SBNO2: variants seen among roughly 807,000 people sequenced by gnomAD.
SBNO2 encodes the protein protein strawberry notch homolog 2.
In SBNO2, 89 loss-of-function variants were observed where a neutral mutation model predicts 146.3. The observed-to-expected ratio is 0.61, with a 90% CI of 0.51 to 0.73. The LOEUF (loss-of-function observed/expected upper bound fraction) is 0.73. Among genes scored for constraint, SBNO2 ranks in the 30% least tolerant of loss-of-function variants. The pLI is 0.00. For missense variants in SBNO2, 2,092 were observed against 2,003.7 expected, an observed-to-expected ratio of 1.04 and a Z score of -0.84; for synonymous variants, 1,147 against 892.6, an observed-to-expected ratio of 1.29 and a Z score of -5.08.
At chr19:1,172,829 G>A (rs1378351659) in intron 1 of SBNO2, among the ~76,000 whole-genome samples, 1 of 119,316 alleles carries the variant, frequency 8.4e-6, no homozygotes, top group Non-Finnish European at 1.6e-5. Context: ...GGCCAGCTCC[G>A]AGGCCGGGCA....
intron 1 of SBNO2, among the ~76,000 whole-genome samples, chr19:1,166,685 T>C (rs1382183402): frequency 6.6e-6 from 1 of 151,998 alleles, no homozygotes; most frequent in Non-Finnish European, 1.5e-5. Context: ...CCTTTTAACA[T>C]GCTGAGCTTG....
intron 1 of SBNO2, among the ~76,000 whole-genome samples, chr19:1,166,047 C>T (rs968289064): frequency 1.0e-4 from 6 of 58,482 alleles, no homozygotes; most frequent in African/African-American, 1.4e-4. Flanking sequence ...ACCCCAGATC[C>T]CAGATCCCAG....
chr19:1,138,351 C>G (rs1444661956), intron 4 of SBNO2, among the ~76,000 whole-genome samples: 1 of 151,704 alleles, frequency 6.6e-6, no homozygotes, highest in African/African-American at 2.4e-5. Flanking sequence ...ACGGGAGGCT[C>G]TGGGCACAGA....
chr19:1,128,566 T>C (rs2079993882), intron 4 of SBNO2, among the ~76,000 whole-genome samples: 1 of 151,910 alleles, frequency 6.6e-6, no homozygotes, highest in Non-Finnish European at 1.5e-5. Context: ...CTAATTTTTG[T>C]ATTTTTAGTA....
chr19:1,122,009 C>T (rs533634147), intron 11 of SBNO2, 130 bp downstream of exon 11: 100 of 603,036 alleles, frequency 1.7e-4, no homozygotes, highest in Admixed American at 9.0e-4. Context: ...CCCACCCCTC[C>T]GCTCCTACCC....
intron 14 of SBNO2, 40 bp downstream of exon 14, chr19:1,118,971 G>C: frequency 6.5e-7 from 1 of 1,547,686 alleles, no homozygotes; most frequent in South Asian, 1.2e-5. Flanking sequence ...TTTCACCCGG[G>C]AAACGCACAG....
In SBNO2 at chr19:1,108,622, C is replaced by T. The variant is rs1174402350; in HGVS notation, c.3699G>A (p.Ala1233=). The change falls in exon 32 of 32, where the codon GCG becomes GCA. Residue 1233 remains alanine (A), a synonymous_variant. Coordinates refer to ENST00000361757, the MANE Select transcript of SBNO2 (RefSeq NM_014963.3). ...GCGGGGCGGGGCAGCCCAGGGCGGG[C>T]GCCTGCCTGCGCTTCACGTCCGCAT... is the stretch of plus-strand genomic sequence containing the variant. The part of the protein sequence containing the change: ...LMDADVKRRQ[A]PALGCPAPPA... 1.4e-6 allele frequency: 2 copies of T among 1,447,516 alleles called. No homozygotes were observed. Among genetic ancestry groups the T allele is most frequent in the African/African-American group, 1.5e-5 (1 of 66,720 alleles). 89.7% of individuals were successfully genotyped at this position (1,447,516 alleles called of 1,614,324 possible).
In SBNO2 at chr19:1,150,563, C is replaced by T. The variant is rs945586994; in HGVS notation, c.94-1121G>A. On this transcript the variant is annotated intron_variant, in intron 2 of 31. Transcript: ENST00000361757. This position sits in a 1 kb window ranked among gnomAD's most constrained non-coding sequence, Gnocchi z 6.2. The stretch of plus-strand genomic sequence containing the variant: ...GAGACCCTGCCGTCACGGACGCCCC[C>T]GTGGTCATGGGGGAGACACCACCAG... Among the ~76,000 whole-genome samples the T allele has an allele frequency of 1.2e-4, 18 of 152,100 alleles. No individual in the cohort carries two copies. Among genetic ancestry groups the T allele is most frequent in the African/African-American group, 7.2e-5 (3 of 41,430 alleles).
At chr19:1,163,576 C>G (rs927278856) in intron 1 of SBNO2, among the ~76,000 whole-genome samples, 2 of 152,224 alleles carry the variant, frequency 1.3e-5, no homozygotes, top group African/African-American at 4.8e-5. Flanking sequence ...CGGCACGAGG[C>G]TGTCTGTGGA....
Position 1,154,262 on chromosome 19 carries a change from C to T in SBNO2, c.15G>A (p.Gly5=), listed in dbSNP as rs778013739. MLAV[G]PAMDRDYPQH... ...GCGGGTAATCCCTGTCCATGGCGGG[C>T]CCCACTGCAAGCATCGGGCGGCAGG... The change falls in exon 2 of 32, where the codon GGG becomes GGA. Residue 5 remains glycine, a synonymous_variant. Transcript: ENST00000361757. 9 of 1,265,332 alleles carry T rather than the reference C, an allele frequency of 7.1e-6. No individual in the cohort carries two copies. In the Admixed American group the frequency reaches 1.1e-4, roughly 15 times the overall value. 78.4% of individuals were successfully genotyped at this position (1,265,332 alleles called of 1,614,324 possible).
At chr19:1,113,918 G>A (rs907989858) in intron 18 of SBNO2, among the ~76,000 whole-genome samples, 38 of 152,316 alleles carry the variant, frequency 2.5e-4, no homozygotes, top group Middle Eastern at 3.4e-3. Flanking sequence ...CTCCTGTCGC[G>A]GACCAAACAC....
Position 1,122,680 on chromosome 19 carries a change from G to A in SBNO2, c.892C>T (p.Arg298Cys), listed in dbSNP as rs1445409534. The change falls in exon 9 of 32, where the codon CGC (arginine) becomes TGC (cysteine). Residue 298 changes from arginine to cysteine, a missense_variant. Physicochemically the swap from Arg to Cys is radical, Grantham distance 180. Coordinates refer to ENST00000361757, the MANE Select transcript of SBNO2 (RefSeq NM_014963.3). Reference sequence around the variant, plus strand: ...CACCACAATGCTTTCTTCCGGCCGCGCAGGTGGTTCTCCAGGATGACTCCG... The same window carrying A: ...CACCACAATGCTTTCTTCCGGCCGCACAGGTGGTTCTCCAGGATGACTCCG... The part of the protein sequence containing the change: ...VAGVILENHL[R>C]GRKKALWFSV... The A allele has an allele frequency of 3.0e-5, 46 of 1,531,688 alleles. No homozygotes were observed. Among genetic ancestry groups the A allele is most frequent in the South Asian group, 7.2e-5 (6 of 83,854 alleles). 94.9% of individuals were successfully genotyped at this position (1,531,688 alleles called of 1,614,324 possible).
intron 3 of SBNO2, among the ~76,000 whole-genome samples, chr19:1,148,457 G>T (rs1402211229): frequency 6.8e-6 from 1 of 146,260 alleles, no homozygotes; most frequent in Non-Finnish European, 1.5e-5. Flanking sequence ...CCCTCTGTGG[G>T]AAAAGTGCCC....
chr19:1,113,416 A>C, intron 19 of SBNO2, 119 bp downstream of exon 19: 1 of 951,098 alleles, frequency 1.1e-6, no homozygotes, highest in Non-Finnish European at 1.5e-6. Context: ...CCCTCCTCGC[A>C]GGGCCGCGGA....
chr19:1,151,876 C>T (rs577014352), intron 2 of SBNO2, among the ~76,000 whole-genome samples: 56 of 152,282 alleles, frequency 3.7e-4, no homozygotes, highest in African/African-American at 1.2e-3. Flanking sequence ...TTGGCCAGGC[C>T]GGTCTCGAAC....
intron 4 of SBNO2, among the ~76,000 whole-genome samples, chr19:1,133,611 C>A (rs1023000305): frequency 5.9e-5 from 9 of 152,210 alleles, no homozygotes; most frequent in African/African-American, 1.7e-4. Flanking sequence ...CGGGTCCGTG[C>A]CGCTGGGGCG....
In SBNO2 at chr19:1,144,261, T is replaced by C. The variant is rs1018067666; in HGVS notation, c.279+3048A>G. Among the ~76,000 whole-genome samples the C allele has an allele frequency of 8.6e-5, 13 of 151,152 alleles. No individual in the cohort carries two copies. The South Asian group carries it at 1.7e-3, about 20-fold the overall frequency. ...ACCCGTCCCATCCCACACTCAGCAC[T>C]GGGGGACCACGCGGCCCGGCCCACA... On this transcript the variant is annotated intron_variant, in intron 4 of 31. Coordinates refer to ENST00000361757, the MANE Select transcript of SBNO2 (RefSeq NM_014963.3). This position sits in a 1 kb window ranked among gnomAD's most constrained non-coding sequence, Gnocchi z 4.1.
At chr19:1,123,886 C>T (rs2079934448) in intron 6 of SBNO2, 56 bp downstream of exon 6, 1 of 1,546,286 alleles carries the variant, frequency 6.5e-7, no homozygotes, top group African/African-American at 1.4e-5. Context: ...GCTGAGCCCT[C>T]TCCTTAGGTC....
In SBNO2 at chr19:1,173,065, G is replaced by A. The variant is rs1169180991; in HGVS notation, c.-127+1107C>T. Among the ~76,000 whole-genome samples the A allele has an allele frequency of 1.3e-5, 2 of 151,094 alleles. No homozygotes were observed. Among genetic ancestry groups the A allele is most frequent in the African/African-American group, 4.9e-5 (2 of 41,002 alleles). On this transcript the variant is annotated intron_variant, in intron 1 of 31. Coordinates refer to ENST00000361757, the MANE Select transcript of SBNO2 (RefSeq NM_014963.3). The surrounding 1 kb of genome is among the most constrained non-coding windows in gnomAD (Gnocchi z 4.7). ...GGAGACACCCACCGTCCCTGCCCCA[G>A]CACCATCCGTGCCCGGCGTCCCTGG...
Sources: gnomAD v4.1 joint callset for allele counts (sites outside exome capture counted in the v4.1 genomes callset) on GRCh38, gnomAD v4.1.1 for gene constraint, Gnocchi (gnomAD v3.1) non-coding constraint, MANE v1.5 for transcripts, NCBI Gene and HGNC (gene_info 2026-07-23, HGNC 2026-07-21) for gene names.